DDR2: variants seen among roughly 807,000 people sequenced by gnomAD.
DDR2 encodes the protein discoidin domain-containing receptor 2.
A neutral mutation model predicts 94.9 loss-of-function variants in DDR2; 27 were observed. The ratio of observed to expected loss-of-function variants is 0.28; its 90% confidence interval spans 0.21 to 0.39. DDR2 has a LOEUF of 0.39. DDR2 is among the 10% of genes least tolerant of loss of function. The probability of loss-of-function intolerance (pLI) is 1.00; values close to 1 mark genes in which losing one functional copy is unlikely to be tolerated. For synonymous variants in DDR2, 382 were observed against 377.2 expected (o/e 1.01, Z -0.15); for missense variants, 783 against 1,076.0 (o/e 0.73, Z 3.81).
Position 162,782,273 on chromosome 1 carries a change from G to A in DDR2, c.*2027G>A, listed in dbSNP as rs570137463. The A allele has an allele frequency of 6.6e-6, 1 of 152,248 alleles. No individual in the cohort carries two copies. Among genetic ancestry groups the A allele is most frequent in the African/African-American group, 2.4e-5 (1 of 41,536 alleles). 9.4% of individuals were successfully genotyped at this position (152,248 alleles called of 1,614,324 possible). Reference sequence around the variant, plus strand: ...TTAAATGGTTTTGAGGTCCTTTCTTGTTCTGATATGTCCAGTACTCACTGG... The same window carrying A: ...TTAAATGGTTTTGAGGTCCTTTCTTATTCTGATATGTCCAGTACTCACTGG... On this transcript the variant is annotated 3_prime_UTR_variant, in exon 18 of 18. Transcript: ENST00000367921.
chr1:162,774,876 C>T (rs1032006952), intron 14 of DDR2, among the ~76,000 whole-genome samples: 15 of 152,100 alleles, frequency 9.9e-5, no homozygotes, highest in African/African-American at 2.9e-4. Flanking sequence ...TTTATATTGA[C>T]GTAGTATGAC....
rs563599395 is a variant in DDR2 at position 162,663,051 on chromosome 1, C to G, written c.-28+7677C>G. Among the ~76,000 whole-genome samples, 9 of 152,242 alleles carry G rather than the reference C, an allele frequency of 5.9e-5. No individual in the cohort carries two copies. In the South Asian group the frequency reaches 1.9e-3, roughly 32 times the overall value. On this transcript the variant is annotated intron_variant, in intron 2 of 17. Transcript: ENST00000367921. Reference sequence around the variant, plus strand: ...TAATTTCATTGCCCCTTTATTCACCCTAAGCATAACTAAGAAAGTGAATAT... The same window carrying G: ...TAATTTCATTGCCCCTTTATTCACCGTAAGCATAACTAAGAAAGTGAATAT...
At chr1:162,678,625 T>C (rs1432379106) in intron 2 of DDR2, among the ~76,000 whole-genome samples, 1 of 152,196 alleles carries the variant, frequency 6.6e-6, no homozygotes, top group Non-Finnish European at 1.5e-5. Context: ...CAGAATGCAT[T>C]CCTTCCCACA....
At chr1:162,640,526 G>T (rs988961902) in intron 1 of DDR2, among the ~76,000 whole-genome samples, 6 of 152,070 alleles carry the variant, frequency 3.9e-5, no homozygotes, top group Non-Finnish European at 8.8e-5. Context: ...GCTTTAAAAA[G>T]AATTAAAGTT....
chr1:162,653,139 C>T (rs2101905594), intron 1 of DDR2, among the ~76,000 whole-genome samples: 1 of 151,876 alleles, frequency 6.6e-6, no homozygotes, highest in East Asian at 1.9e-4. Flanking sequence ...AACAAAGAAA[C>T]TTTTAGCATT....
chr1:162,632,324 C>T (rs1041159912), upstream of DDR2: 1 of 152,126 alleles, frequency 6.6e-6, no homozygotes, highest in Non-Finnish European at 1.5e-5. Context: ...GAAATAGTCT[C>T]CAAACAGAAA....
At chr1:162,755,917 A>G in intron 7 of DDR2, 148 bp downstream of exon 7, 1 of 753,492 alleles carries the variant, frequency 1.3e-6, no homozygotes. Flanking sequence ...AGATGAAGGA[A>G]TACACATGAC....
At position 162,719,093 on chromosome 1, in the gene DDR2, G is replaced by C. The variant is rs1661295619; in HGVS notation, c.30G>C (p.Val10=). Residue 10 remains valine (V), a synonymous_variant, in exon 3 of 18, where the codon GTG becomes GTC. Transcript: ENST00000367921. ...TCCTGATTCCCAGAATGCTCTTGGTGCTGTTCCTGCTGCTGCCTATCTTGA... is the reference window on the plus strand; with the variant it reads ...TCCTGATTCCCAGAATGCTCTTGGTCCTGTTCCTGCTGCTGCCTATCTTGA... MILIPRMLL[V]LFLLLPILSS... 3.1e-6 allele frequency: 5 copies of C among 1,613,756 alleles called. No individual in the cohort carries two copies. In the East Asian group the frequency reaches 1.1e-4, roughly 36 times the overall value.
intron 3 of DDR2, among the ~76,000 whole-genome samples, chr1:162,744,389 T>G (rs1205628585): frequency 6.6e-6 from 1 of 152,216 alleles, no homozygotes; most frequent in Non-Finnish European, 1.5e-5. Context: ...GTAACGTATG[T>G]GGAATCAGGC....
rs756728715 is a variant in DDR2, at chr1:162,767,277, G to A, written c.1211G>A (p.Cys404Tyr). The A allele has an allele frequency of 2.5e-6, 4 of 1,614,128 alleles. No individual in the cohort carries two copies. The highest frequency in any genetic ancestry group is 1.1e-5 in the South Asian group (1 of 91,086). ...AGCAACACTCGGATCCTGATTGGCT[G>A]CTTGGTGGCCATCATCTTTATCCTC... ...DDSNTRILIG[C>Y]LVAIIFILLA... Residue 404 changes from cysteine to tyrosine, a missense_variant, in exon 11 of 18, where the codon TGC becomes TAC. By Grantham distance (194) the Cys-to-Tyr change is radical (BLOSUM62 -2). Around this residue, in one of 2 missense-constraint regions of DDR2, gnomAD observed 519 missense variants for 647.9 expected, o/e 0.80. Coordinates refer to ENST00000367921, the MANE Select transcript of DDR2 (RefSeq NM_006182.4).
At chr1:162,716,297 G>A (rs540838305) in intron 2 of DDR2, among the ~76,000 whole-genome samples, 129 of 152,274 alleles carry the variant, frequency 8.5e-4, no homozygotes, top group Non-Finnish European at 1.6e-3. Flanking sequence ...GCAAAAGACT[G>A]CTAGGAGAGG....
chr1:162,778,130 T>A (rs1647688306), intron 16 of DDR2: 1 of 264,154 alleles, frequency 3.8e-6, no homozygotes, highest in Admixed American at 5.0e-5. Context: ...ATCTCATTGC[T>A]GTCACTTGTT....
At chr1:162,647,075 A>C (rs1376565203) in intron 1 of DDR2, among the ~76,000 whole-genome samples, 1 of 152,184 alleles carries the variant, frequency 6.6e-6, no homozygotes, top group African/African-American at 2.4e-5. Context: ...GACCCTTGGA[A>C]AATTTAGAGA....
At chr1:162,656,833 G>GTTGT (rs1657990644) in intron 2 of DDR2, among the ~76,000 whole-genome samples, 5 of 65,684 alleles carry the variant, frequency 7.6e-5, no homozygotes, top group Admixed American at 2.4e-4. Flanking sequence ...TGCCACTGGA[G>GTTGT]TTTTTTTTTT....
At chr1:162,634,521 T>C (rs1165239365) in intron 1 of DDR2, among the ~76,000 whole-genome samples, 1 of 152,138 alleles carries the variant, frequency 6.6e-6, no homozygotes, top group Admixed American at 6.5e-5. Flanking sequence ...GGTCTGGCAG[T>C]TGGTGCTGAT....
chr1:162,695,923 T>C (rs576137749), intron 2 of DDR2, among the ~76,000 whole-genome samples: 1 of 152,252 alleles, frequency 6.6e-6, no homozygotes, highest in Non-Finnish European at 1.5e-5. Context: ...ATATAGCAGG[T>C]CAAAGCTAAT....
chr1:162,767,399 C>T (rs1558075205), intron 11 of DDR2, 40 bp downstream of exon 11: 1 of 1,610,686 alleles, frequency 6.2e-7, no homozygotes, highest in Non-Finnish European at 8.5e-7. Context: ...AGAAACTGCT[C>T]CTTTCTTTCT....
chr1:162,711,119 A>G (rs1206239292), intron 2 of DDR2, among the ~76,000 whole-genome samples: 1 of 152,218 alleles, frequency 6.6e-6, no homozygotes, highest in Non-Finnish European at 1.5e-5. Context: ...CAAATCAGAC[A>G]TGTCTTGCTT....
intron 1 of DDR2, among the ~76,000 whole-genome samples, chr1:162,643,143 T>C (rs1053298051): frequency 6.6e-6 from 1 of 152,152 alleles, no homozygotes; most frequent in African/African-American, 2.4e-5. Flanking sequence ...CACTTGCCTG[T>C]TTCATTTTCA....
Sources: gnomAD v4.1 joint callset for allele counts (sites outside exome capture counted in the v4.1 genomes callset) on GRCh38, gnomAD v4.1.1 for gene constraint, gnomAD v4.1.1 regional missense constraint, MANE v1.5 for transcripts, NCBI Gene and HGNC (gene_info 2026-07-23, HGNC 2026-07-21) for gene names.